Variants in PIGL observed in about 807,000 individuals in gnomAD.
PIGL encodes the protein phosphatidylinositol glycan anchor biosynthesis class L.
A neutral mutation model predicts 31.1 loss-of-function variants in PIGL; 22 were observed. That is an observed-to-expected ratio of 0.71 (90% CI 0.51 to 1.01). The LOEUF (loss-of-function observed/expected upper bound fraction) is 1.01. PIGL is among the 50% of genes least tolerant of loss of function. PIGL has a pLI of 0.00. For synonymous variants in PIGL, 131 were observed against 117.4 expected (o/e 1.12, Z -0.75); for missense variants, 302 against 315.9 (o/e 0.96, Z 0.33).
At position 16,246,672 on chromosome 17, in the gene PIGL, CTTTT is replaced by C. The variant is rs1197171634; in HGVS notation, c.335+12623_335+12626del. ...GCAGGCTAGAAGTCCAGATCAAGGT[CTTTT>C]TTTTTTTTTTTTTTTTTTTTGAGAC... On this transcript the variant is annotated intron_variant, in intron 2 of 6. Transcript: ENST00000225609. Among the ~76,000 whole-genome samples, 419 of 64,132 alleles carry C rather than the reference CTTTT, an allele frequency of 6.5e-3. 5 individuals are homozygous for C. The highest frequency in any genetic ancestry group is 0.021 in the African/African-American group (372 of 17,394). The allele number at this position is 64,132 out of a possible 152,430, so 42.1% of individuals were successfully genotyped here.
At chr17:16,287,758 C>CA (rs35271065) in intron 2 of PIGL, among the ~76,000 whole-genome samples, 1 of 151,910 alleles carries the variant, frequency 6.6e-6, no homozygotes, top group Admixed American at 6.6e-5. Flanking sequence ...TGAACATGCC[C>CA]AAAAAAACTC....
rs750611453 is a variant in PIGL, at chr17:16,325,790, A to G, written c.661-10A>G. 1.2e-5 allele frequency: 19 copies of G among 1,608,356 alleles called. No individual in the cohort carries two copies. The East Asian group carries it at 4.2e-4, about 36-fold the overall frequency. On this transcript the variant is annotated splice_polypyrimidine_tract_variant and intron_variant, in intron 6 of 6. Coordinates refer to ENST00000225609, the MANE Select transcript of PIGL (RefSeq NM_004278.4). ...ACTGTTTCATAACTGGTTCTCTTTG[A>G]TTCTTCTAGAAAGCCATGTCCTGCC...
intron 2 of PIGL, among the ~76,000 whole-genome samples, chr17:16,278,244 C>T (rs1008889264): frequency 6.6e-6 from 1 of 152,062 alleles, no homozygotes; most frequent in African/African-American, 2.4e-5. Flanking sequence ...TTAGTAGAAA[C>T]AGGGTTTCGC....
chr17:16,322,966 A>G (rs776450951), intron 6 of PIGL, among the ~76,000 whole-genome samples: 2 of 152,176 alleles, frequency 1.3e-5, no homozygotes, highest in African/African-American at 2.4e-5. Flanking sequence ...GGGTTTGATC[A>G]CAAGCATGAG....
chr17:16,259,965 C>T (rs1019371032), intron 2 of PIGL, among the ~76,000 whole-genome samples: 1 of 152,196 alleles, frequency 6.6e-6, no homozygotes, highest in Admixed American at 6.5e-5. Context: ...TTCCTGGTGC[C>T]CGCTCCAATT....
intron 2 of PIGL, among the ~76,000 whole-genome samples, chr17:16,280,137 C>T (rs1333818324): frequency 6.6e-6 from 1 of 152,146 alleles, no homozygotes; most frequent in East Asian, 1.9e-4. Flanking sequence ...TTGAGGTTCA[C>T]CCTGGTCCAT....
intron 2 of PIGL, among the ~76,000 whole-genome samples, chr17:16,246,115 G>A (rs1027810503): frequency 1.3e-5 from 2 of 151,622 alleles, no homozygotes; most frequent in Non-Finnish European, 2.9e-5. Context: ...GAGCCACTGC[G>A]CCCGGTCATG....
At chr17:16,246,387 C>T (rs1397600581) in intron 2 of PIGL, among the ~76,000 whole-genome samples, 1 of 151,356 alleles carries the variant, frequency 6.6e-6, no homozygotes, top group East Asian at 2.0e-4. Flanking sequence ...TGGTGCACAC[C>T]TGTAGTCCCA....
At chr17:16,244,463 A>C (rs557874564) in intron 2 of PIGL, among the ~76,000 whole-genome samples, 2 of 152,068 alleles carry the variant, frequency 1.3e-5, no homozygotes, top group East Asian at 3.9e-4. Context: ...TTTCTCAGGC[A>C]CTCCATTTGC....
intron 6 of PIGL, among the ~76,000 whole-genome samples, chr17:16,320,011 G>A (rs1434423809): frequency 2.6e-5 from 4 of 151,300 alleles, no homozygotes; most frequent in South Asian, 2.1e-4. Flanking sequence ...CCAAGTCGGG[G>A]ATTGTGGCTC....
chr17:16,258,091 G>T (rs1178853335), intron 2 of PIGL, among the ~76,000 whole-genome samples: 5 of 132,458 alleles, frequency 3.8e-5, no homozygotes, highest in Non-Finnish European at 8.0e-5. Flanking sequence ...GAGAGAGAGA[G>T]AGAGAGAGAG....
intron 2 of PIGL, among the ~76,000 whole-genome samples, chr17:16,253,230 G>A (rs551139497): frequency 1.3e-5 from 2 of 152,190 alleles, no homozygotes; most frequent in Admixed American, 1.3e-4. Flanking sequence ...CTCCAGCCTG[G>A]ACAACACGAG....
At chr17:16,306,033 C>T (rs1426236859) in intron 3 of PIGL, among the ~76,000 whole-genome samples, 1 of 152,180 alleles carries the variant, frequency 6.6e-6, no homozygotes, top group Non-Finnish European at 1.5e-5. Context: ...ACTTCAACCT[C>T]CGCCTCCCGG....
At chr17:16,256,542 C>T (rs887651925) in intron 2 of PIGL, among the ~76,000 whole-genome samples, 1 of 151,776 alleles carries the variant, frequency 6.6e-6, no homozygotes, top group Non-Finnish European at 1.5e-5. Flanking sequence ...AGTAGAGATG[C>T]GGTTTCACTA....
chr17:16,225,852 C>CAA (rs1217681962), intron 1 of PIGL, among the ~76,000 whole-genome samples: 1 of 151,940 alleles, frequency 6.6e-6, no homozygotes, highest in Admixed American at 6.6e-5. Flanking sequence ...TGCTGTGAAA[C>CAA]AAATTGTCTC....
At chr17:16,247,588 C>T (rs144060934) in intron 2 of PIGL, among the ~76,000 whole-genome samples, 6 of 152,282 alleles carry the variant, frequency 3.9e-5, no homozygotes, top group Admixed American at 1.3e-4. Context: ...GGCGGATATT[C>T]GGCCCTCCAA....
intron 1 of PIGL, among the ~76,000 whole-genome samples, chr17:16,225,639 TTTG>T (rs772652381): frequency 4.1e-4 from 62 of 151,830 alleles, no homozygotes; most frequent in Non-Finnish European, 7.9e-4. Context: ...TTTGTTTTCT[TTTG>T]TTGTTGTTGT....
chr17:16,230,634 T>C (rs963579259), intron 1 of PIGL, among the ~76,000 whole-genome samples: 1 of 152,018 alleles, frequency 6.6e-6, no homozygotes, highest in Non-Finnish European at 1.5e-5. Flanking sequence ...TTTTTTTTTT[T>C]TTGAGATGGA....
intron 2 of PIGL, among the ~76,000 whole-genome samples, chr17:16,289,832 A>T (rs2092952839): frequency 6.6e-6 from 1 of 152,180 alleles, no homozygotes; most frequent in Non-Finnish European, 1.5e-5. Flanking sequence ...GCTGGAGTGC[A>T]GTGGCACGAT....
Sources: gnomAD v4.1 joint callset for allele counts (sites outside exome capture counted in the v4.1 genomes callset) on GRCh38, gnomAD v4.1.1 for gene constraint, MANE v1.5 for transcripts, NCBI Gene and HGNC (gene_info 2026-07-23, HGNC 2026-07-21) for gene names.